Variants in SEH1L observed in about 807,000 individuals in gnomAD.
SEH1L encodes nucleoporin SEH1.
In SEH1L, 18 loss-of-function variants were observed where a neutral mutation model predicts 49.5. The observed-to-expected ratio is 0.36, with a 90% CI of 0.25 to 0.54. SEH1L has a LOEUF of 0.54. SEH1L is among the 20% of genes least tolerant of loss of function. The probability of loss-of-function intolerance (pLI) is 0.87; values close to 1 mark genes in which losing one functional copy is unlikely to be tolerated. For missense variants in SEH1L, 404 were observed against 528.8 expected, an observed-to-expected ratio of 0.76 and a Z score of 2.31; for synonymous variants, 169 against 178.1, an observed-to-expected ratio of 0.95 and a Z score of 0.41.
chr18:12,984,739 A>G (rs1359675295), intron 8 of SEH1L: 2 of 153,638 alleles, frequency 1.3e-5, no homozygotes, highest in Non-Finnish European at 2.9e-5. Flanking sequence ...AATAAGGAAT[A>G]TTTGATGTCA....
chr18:12,960,279 C>T (rs1166186592), intron 3 of SEH1L, among the ~76,000 whole-genome samples: 3 of 152,168 alleles, frequency 2.0e-5, no homozygotes, highest in Admixed American at 1.3e-4. Flanking sequence ...GGTTAACATG[C>T]GCAAGCAAGC....
chr18:12,987,117 C>A lies in SEH1L; in HGVS notation c.*60C>A. 4.8e-6 allele frequency: 6 copies of A among 1,255,132 alleles called. No homozygotes were observed. Among genetic ancestry groups the A allele is most frequent in the Non-Finnish European group, 6.6e-6 (6 of 909,784 alleles). The allele number at this position is 1,255,132 out of a possible 1,614,324, so 77.7% of individuals were successfully genotyped here. A position where few individuals can be genotyped will look rare whatever the true frequency, so the allele number is the denominator to read the frequency against. On this transcript the variant is annotated 3_prime_UTR_variant, in exon 9 of 9. Coordinates refer to ENST00000399892, the MANE Select transcript of SEH1L (RefSeq NM_001013437.2). ...TGCTTGTAAATGCTTTCATTTCTGGCTGCTTTTTGTTTTTCATTTTCTTTC... is the reference window on the plus strand; with the variant it reads ...TGCTTGTAAATGCTTTCATTTCTGGATGCTTTTTGTTTTTCATTTTCTTTC...
chr18:12,976,490 A>G (rs182318226), intron 5 of SEH1L: 1 of 152,386 alleles, frequency 6.6e-6, no homozygotes, highest in East Asian at 1.9e-4. Context: ...CACTTTACGG[A>G]GAACTTGCTG....
At chr18:12,986,799 T>G (rs2032477408) in intron 8 of SEH1L, 63 bp from the exon 9 acceptor site, 1 of 1,216,308 alleles carries the variant, frequency 8.2e-7, no homozygotes. Flanking sequence ...TCTCTTTTTC[T>G]TGTGTTTTTT....
chr18:12,962,029 T>C (rs756984665), intron 3 of SEH1L, among the ~76,000 whole-genome samples: 21 of 152,316 alleles, frequency 1.4e-4, no homozygotes, highest in Non-Finnish European at 2.5e-4. Flanking sequence ...TTAAATGTGA[T>C]GTTGGAATTT....
At position 12,986,956 on chromosome 18, in the gene SEH1L, C is replaced by G. The variant is rs763954851; in HGVS notation, c.1165C>G (p.His389Asp). 2.5e-6 allele frequency: 4 copies of G among 1,613,970 alleles called. No individual in the cohort carries two copies. In the East Asian group the frequency reaches 8.9e-5, roughly 36 times the overall value. The change falls in exon 9 of 9, where the codon CAC becomes GAC. Residue 389 changes from histidine (H) to aspartate (D), a missense_variant. His to Asp is a moderately conservative substitution (Grantham distance 81). Around this residue, in one of 3 missense-constraint regions of SEH1L, gnomAD observed 342 missense variants for 430.8 expected, o/e 0.79. Coordinates refer to ENST00000399892, the MANE Select transcript of SEH1L (RefSeq NM_001013437.2). ...TCCTCCTCCTCCTCCTCTGGTAGAG[C>G]ACTCTTGCGATGCTGACACTGCCAA... ...LPPPPPPLVEHSCDADTANLQ... is the reference protein window; with the variant it reads ...LPPPPPPLVEDSCDADTANLQ...
chr18:12,955,709 C>G lies in SEH1L; in HGVS notation c.309+100C>G, dbSNP rs533944948. 5.8e-6 allele frequency: 7 copies of G among 1,200,678 alleles called. No individual in the cohort carries two copies. In the South Asian group the frequency reaches 8.4e-5, roughly 14 times the overall value. 74.4% of individuals were successfully genotyped at this position (1,200,678 alleles called of 1,614,324 possible). ...AGATAATTGGTAAAATATCACCACTCCCCTCTAGTTTTACCAGTTCTAAAG... is the reference window on the plus strand; with the variant it reads ...AGATAATTGGTAAAATATCACCACTGCCCTCTAGTTTTACCAGTTCTAAAG... On this transcript the variant is annotated intron_variant, in intron 3 of 8. Coordinates refer to ENST00000399892, the MANE Select transcript of SEH1L (RefSeq NM_001013437.2).
At chr18:12,959,344 C>T (rs758810300) in intron 3 of SEH1L, among the ~76,000 whole-genome samples, 3 of 152,150 alleles carry the variant, frequency 2.0e-5, no homozygotes, top group Non-Finnish European at 4.4e-5. Flanking sequence ...TTTATACTTA[C>T]CAGTTAAGCA....
intron 6 of SEH1L, among the ~76,000 whole-genome samples, chr18:12,981,163 G>A (rs1442831412): frequency 1.3e-4 from 19 of 151,790 alleles, no homozygotes; most frequent in Non-Finnish European, 2.6e-4. Context: ...GGGCAGAGAC[G>A]CTCCTCACTT....
chr18:12,971,310 T>C (rs982594322), intron 5 of SEH1L, 59 bp downstream of exon 5: 2 of 1,093,548 alleles, frequency 1.8e-6, no homozygotes, highest in Non-Finnish European at 2.8e-6. Flanking sequence ...TTTAAAATGT[T>C]ATTTCTTTAT....
chr18:12,979,571 A>G (rs1004693553), intron 6 of SEH1L, among the ~76,000 whole-genome samples: 8 of 152,156 alleles, frequency 5.3e-5, no homozygotes, highest in African/African-American at 1.9e-4. Flanking sequence ...CCTGTTCTCA[A>G]TGAGCTGTTG....
intron 1 of SEH1L, chr18:12,948,847 T>TC (rs1491319878): frequency 1.3e-5 from 2 of 150,440 alleles, no homozygotes; most frequent in Non-Finnish European, 2.9e-5. Context: ...GAATTTCTTT[T>TC]CTTTTTTTTT....
chr18:12,955,158 A>G (rs1423224124), intron 2 of SEH1L, among the ~76,000 whole-genome samples: 2 of 151,380 alleles, frequency 1.3e-5, no homozygotes, highest in Non-Finnish European at 2.9e-5. Context: ...TCCAACTATC[A>G]GCACTGGAAG....
At position 12,963,138 on chromosome 18, in the gene SEH1L, ATTG is replaced by A. The variant is rs2031272720; in HGVS notation, c.310-19_310-17del. The A allele has an allele frequency of 5.9e-6, 9 of 1,535,296 alleles. No individual in the cohort carries two copies. Among genetic ancestry groups the A allele is most frequent in the South Asian group, 2.4e-5 (2 of 84,806 alleles). On this transcript the variant is annotated intron_variant, in intron 3 of 8. Transcript: ENST00000399892. ...TGCTTTCTTTTTGTATATAATTTAA[ATTG>A]TTATTATTTTTTTTTTAGGTTAAAA...
chr18:12,966,813 C>G (rs1051283471), intron 4 of SEH1L, among the ~76,000 whole-genome samples: 5 of 152,190 alleles, frequency 3.3e-5, no homozygotes, highest in Non-Finnish European at 7.4e-5. Context: ...TCTGTTCTGT[C>G]TTTCTGGCAC....
chr18:12,970,127 T>C (rs2031632536), intron 4 of SEH1L, among the ~76,000 whole-genome samples: 3 of 152,164 alleles, frequency 2.0e-5, no homozygotes, highest in Non-Finnish European at 4.4e-5. Flanking sequence ...GTTTTTAGCT[T>C]TAAGAGGTTA....
At chr18:12,985,499 A>G in intron 8 of SEH1L, 1 of 1,238,806 alleles carries the variant, frequency 8.1e-7, no homozygotes, top group Non-Finnish European at 1.0e-6. Flanking sequence ...CTGTTGAGAC[A>G]TTGTCACCAA....
rs1236172375 is a variant in SEH1L, at chr18:12,963,015, A to T, written c.310-145A>T. The T allele has an allele frequency of 9.3e-6, 5 of 535,126 alleles. No homozygotes were observed. The African/African-American group carries it at 9.5e-5, about 10-fold the overall frequency. The allele number at this position is 535,126 out of a possible 1,614,324, so 33.1% of individuals were successfully genotyped here. A position where few individuals can be genotyped will look rare whatever the true frequency, so the allele number is the denominator to read the frequency against. On this transcript the variant is annotated intron_variant, in intron 3 of 8. Coordinates refer to ENST00000399892, the MANE Select transcript of SEH1L (RefSeq NM_001013437.2). The stretch of plus-strand genomic sequence containing the variant: ...GGTATTTTGCCATGTACTTGTAGGA[A>T]CTTGTGGCCCAGAGATGTATCCAAG...
intron 4 of SEH1L, among the ~76,000 whole-genome samples, chr18:12,967,866 A>G (rs891008521): frequency 2.0e-5 from 3 of 152,028 alleles, no homozygotes; most frequent in African/African-American, 7.3e-5. Context: ...GTGAGCCAAG[A>G]TGATGCCACT....
Sources: gnomAD v4.1 joint callset for allele counts (sites outside exome capture counted in the v4.1 genomes callset) on GRCh38, gnomAD v4.1.1 for gene constraint, gnomAD v4.1.1 regional missense constraint, MANE v1.5 for transcripts, NCBI Gene and HGNC (gene_info 2026-07-23, HGNC 2026-07-21) for gene names.